Variants in TRIM37 observed in about 807,000 individuals in gnomAD.
TRIM37 encodes the protein tripartite motif containing 37.
TRIM37 carries 80 observed loss-of-function variants against 129.8 expected under a neutral mutation model. That is an observed-to-expected ratio of 0.62 (90% CI 0.51 to 0.74). The LOEUF is 0.74. Ranked by LOEUF, TRIM37 falls within the 30% of genes least tolerant of loss-of-function variation. The pLI, the probability that TRIM37 is intolerant of heterozygous loss-of-function variation, is 0.00. For missense variants in TRIM37, 1,054 were observed against 1,176.5 expected (o/e 0.90, Z 1.52); for synonymous variants, 389 against 387.1 (o/e 1.00, Z -0.06).
At chr17:59,091,017 T>C (rs989996236) in intron 3 of TRIM37, among the ~76,000 whole-genome samples, 1 of 152,146 alleles carries the variant, frequency 6.6e-6, no homozygotes, top group Non-Finnish European at 1.5e-5. Context: ...TCTGGATTTT[T>C]TAACCAGAAA....
chr17:58,979,862 T>A (rs896031794), downstream of TRIM37: 2 of 824,136 alleles, frequency 2.4e-6, no homozygotes, highest in African/African-American at 3.4e-5. Context: ...TCCAGTCAAG[T>A]CAGTTCACAA....
Position 58,998,888 on chromosome 17 carries a change from A to C in TRIM37, c.*489T>G. On this transcript the variant is annotated 3_prime_UTR_variant, in exon 24 of 24. Transcript: ENST00000262294. The stretch of plus-strand genomic sequence containing the variant: ...TATTCACATAGTGTCTACAGGGCAG[A>C]ATCTCTTCCAAAGCAATTTTCTGTT... 9.8e-7 allele frequency: 1 copy of C among 1,015,758 alleles called. No homozygotes were observed. The highest frequency in any genetic ancestry group is 1.2e-6 in the Non-Finnish European group (1 of 847,678). The allele number at this position is 1,015,758 out of a possible 1,614,324, so 62.9% of individuals were successfully genotyped here.
At chr17:58,984,552 C>CCAT (rs375778570) in intron 24 of TRIM37, 16 of 152,600 alleles carry the variant, frequency 1.0e-4, no homozygotes, top group Middle Eastern at 3.4e-3. Flanking sequence ...TAATTTGAGA[C>CCAT]CATTTTTCTT....
chr17:59,037,287 A>G (rs927336220), intron 17 of TRIM37, among the ~76,000 whole-genome samples: 1 of 151,948 alleles, frequency 6.6e-6, no homozygotes, highest in African/African-American at 2.4e-5. Context: ...GGCCAGGTGC[A>G]GTGGATCACA....
At chr17:59,090,928 C>G (rs1372711065) in intron 3 of TRIM37, among the ~76,000 whole-genome samples, 1 of 151,942 alleles carries the variant, frequency 6.6e-6, no homozygotes, top group Non-Finnish European at 1.5e-5. Context: ...CTGTGCCCGG[C>G]CAAGCTATCT....
At chr17:59,013,895 T>A (rs2035595756) in intron 21 of TRIM37, among the ~76,000 whole-genome samples, 1 of 151,754 alleles carries the variant, frequency 6.6e-6, no homozygotes, top group Non-Finnish European at 1.5e-5. Flanking sequence ...AGACATGAGC[T>A]GGACAGCACC....
At chr17:59,005,478 T>C (rs2034363727) in intron 22 of TRIM37, among the ~76,000 whole-genome samples, 1 of 152,116 alleles carries the variant, frequency 6.6e-6, no homozygotes, top group Non-Finnish European at 1.5e-5. Flanking sequence ...TAGAGATGTG[T>C]TTCACCATAC....
At chr17:58,988,608 G>A (rs540636411) in intron 24 of TRIM37, among the ~76,000 whole-genome samples, 3 of 151,928 alleles carry the variant, frequency 2.0e-5, no homozygotes, top group Admixed American at 6.6e-5. Flanking sequence ...ATCCAAGAAC[G>A]CCAGCCCCTC....
At chr17:59,081,029 T>A in intron 6 of TRIM37, 68 bp downstream of exon 6, 1 of 907,426 alleles carries the variant, frequency 1.1e-6, no homozygotes, top group South Asian at 3.7e-5. Context: ...TTAACTTATA[T>A]TATATAAATA....
At chr17:59,066,673 T>C (rs920752772) in intron 9 of TRIM37, among the ~76,000 whole-genome samples, 6 of 152,176 alleles carry the variant, frequency 3.9e-5, no homozygotes, top group African/African-American at 1.4e-4. Context: ...ACAGGTACTG[T>C]GATATACTTT....
the TRIM37 span, among the ~76,000 whole-genome samples, chr17:58,977,455 A>G: frequency 6.6e-6 from 1 of 151,958 alleles, no homozygotes; most frequent in Non-Finnish European, 1.5e-5. Flanking sequence ...AAAAAAAAAA[A>G]AGAAATAATG....
chr17:59,013,227 G>A (rs71372867), intron 21 of TRIM37, among the ~76,000 whole-genome samples: 6 of 152,124 alleles, frequency 3.9e-5, no homozygotes, highest in African/African-American at 7.2e-5. Flanking sequence ...CACTGCAACC[G>A]CTGCCTCCTG....
At chr17:59,081,797 C>T (rs1186241019) in intron 5 of TRIM37, among the ~76,000 whole-genome samples, 2 of 151,650 alleles carry the variant, frequency 1.3e-5, no homozygotes, top group African/African-American at 4.8e-5. Context: ...ATCCCAGCTA[C>T]TCAAGAGGCT....
chr17:59,047,563 G>T, intron 16 of TRIM37, 120 bp downstream of exon 16: 1 of 1,006,138 alleles, frequency 9.9e-7, no homozygotes, highest in Non-Finnish European at 1.5e-6. Flanking sequence ...AGAGAAAACT[G>T]ACTATTGATT....
At chr17:59,085,581 C>T (rs182967075) in intron 4 of TRIM37, among the ~76,000 whole-genome samples, 95 of 152,230 alleles carry the variant, frequency 6.2e-4, no homozygotes, top group African/African-American at 2.2e-3. Flanking sequence ...AACCCTTGTG[C>T]ACTACTGGTG....
chr17:59,062,166 C>A (rs2041550932), intron 11 of TRIM37, among the ~76,000 whole-genome samples: 1 of 152,022 alleles, frequency 6.6e-6, no homozygotes, highest in Non-Finnish European at 1.5e-5. Context: ...GGCAATATCA[C>A]CAAACATCTT....
Position 59,091,311 on chromosome 17 carries a change from A to T in TRIM37, c.153T>A (p.Cys51Ter). ...RRWLTEQRAQ[C>*]PHCRAPLQLR... ...AAGGAAACACTTACCGGCAATGAGG[A>T]CATTGAGCTCTCTGCTCTGTCAGCC... Residue 51 changes from cysteine to a stop codon, truncating the protein, a stop_gained, in exon 3 of 24, where the codon TGT becomes TGA. Transcript: ENST00000262294. LOFTEE classifies it high-confidence loss of function. The T allele has an allele frequency of 6.3e-7, 1 of 1,584,752 alleles. No homozygotes were observed. The highest frequency in any genetic ancestry group is 2.3e-5 in the East Asian group (1 of 43,168).
At chr17:59,023,818 A>T (rs1376645579) in intron 19 of TRIM37, among the ~76,000 whole-genome samples, 6 of 152,200 alleles carry the variant, frequency 3.9e-5, no homozygotes, top group African/African-American at 1.4e-4. Flanking sequence ...AGACAATGCA[A>T]TACAAAAAGT....
intron 2 of TRIM37, among the ~76,000 whole-genome samples, chr17:59,096,889 AATAAAACT>A (rs2147462251): frequency 6.6e-6 from 1 of 152,286 alleles, no homozygotes; most frequent in African/African-American, 2.4e-5. Context: ...ACAAAATCCC[AATAAAACT>A]AATTCAACAG....
Sources: gnomAD v4.1 joint callset for allele counts (sites outside exome capture counted in the v4.1 genomes callset) on GRCh38, gnomAD v4.1.1 for gene constraint, MANE v1.5 for transcripts, NCBI Gene and HGNC (gene_info 2026-07-23, HGNC 2026-07-21) for gene names.